Variants in CD46 observed in about 807,000 individuals in gnomAD.
The protein encoded by CD46 is CD46 molecule, also known as membrane cofactor protein.
CD46 carries 30 observed loss-of-function variants against 53.3 expected under a neutral mutation model. The ratio of observed to expected loss-of-function variants is 0.56; its 90% CI spans 0.42 to 0.76. CD46 has a LOEUF of 0.76. CD46 is among the 30% of genes least tolerant of loss of function. The pLI is 0.00. For synonymous variants in CD46, 142 were observed against 152.0 expected, an observed-to-expected ratio of 0.93 and a Z score of 0.48; for missense variants, 409 against 463.0, an observed-to-expected ratio of 0.88 and a Z score of 1.07.
At chr1:207,783,614 G>T (rs867957416) in intron 9 of CD46, 1 of 256,434 alleles carries the variant, frequency 3.9e-6, no homozygotes, top group Non-Finnish European at 7.5e-6. Flanking sequence ...GTAACACGCT[G>T]ATTTAACACA....
At chr1:207,764,227 C>T (rs1045951427) in intron 5 of CD46, among the ~76,000 whole-genome samples, 1 of 152,116 alleles carries the variant, frequency 6.6e-6, no homozygotes, top group East Asian at 1.9e-4. Flanking sequence ...GGGGTGTGCA[C>T]GGAGCTGCGG....
intron 8 of CD46, among the ~76,000 whole-genome samples, chr1:207,772,113 A>G (rs1657573817): frequency 6.6e-6 from 1 of 152,126 alleles, no homozygotes; most frequent in Non-Finnish European, 1.5e-5. Flanking sequence ...TGTCCTTCAC[A>G]TCCATCCCTT....
chr1:207,787,050 A>G (rs1475077697), intron 11 of CD46, among the ~76,000 whole-genome samples: 3 of 152,120 alleles, frequency 2.0e-5, no homozygotes, highest in African/African-American at 4.8e-5. Context: ...CTCTCTAGCT[A>G]GCAGTTAATG....
intron 8 of CD46, among the ~76,000 whole-genome samples, chr1:207,779,804 C>T (rs768094425): frequency 2.0e-5 from 3 of 151,568 alleles, no homozygotes; most frequent in African/African-American, 4.8e-5. Context: ...GTCTTCTCCC[C>T]AACTGATTTG....
intron 4 of CD46, chr1:207,759,938 G>A (rs1296915845): frequency 6.6e-6 from 3 of 452,890 alleles, no homozygotes; most frequent in South Asian, 2.5e-5. Context: ...CCTAAGACAC[G>A]GTCTCAGGCT....
rs1301393824 is a variant in CD46 at position 207,794,317 on chromosome 1, C to T, written c.*840C>T. On this transcript the variant is annotated 3_prime_UTR_variant, in exon 13 of 13. Transcript: ENST00000367042. ...TCCTTTCATAAGAAGTGAGAGGACTCTGACAGCCATAACAGGAGTGCCACT... is the reference window on the plus strand; with the variant it reads ...TCCTTTCATAAGAAGTGAGAGGACTTTGACAGCCATAACAGGAGTGCCACT... 6.6e-6 allele frequency: 1 copy of T among 152,328 alleles called. No individual in the cohort carries two copies. Among genetic ancestry groups the T allele is most frequent in the Non-Finnish European group, 1.5e-5 (1 of 68,134 alleles). The allele number at this position is 152,328 out of a possible 1,614,324, so 9.4% of individuals were successfully genotyped here.
chr1:207,771,870 G>A (rs1444099255), intron 8 of CD46, among the ~76,000 whole-genome samples: 2 of 152,088 alleles, frequency 1.3e-5, no homozygotes, highest in African/African-American at 4.8e-5. Flanking sequence ...GGGTTGTCTT[G>A]GCTATATGGA....
intron 4 of CD46, 77 bp from the exon 5 acceptor site, chr1:207,761,172 T>G: frequency 1.1e-6 from 1 of 921,576 alleles, no homozygotes; most frequent in African/African-American, 1.7e-5. Flanking sequence ...ATTGACAAAT[T>G]TATTGAAGAC....
chr1:207,767,125 C>T lies in CD46; in HGVS notation c.786C>T (p.Leu262=), dbSNP rs374762173. ...TTGAATGCGATAAGGGTTTTTACCTCGATGGCAGCGACACAATTGTCTGTG... is the reference window on the plus strand; with the variant it reads ...TTGAATGCGATAAGGGTTTTTACCTTGATGGCAGCGACACAATTGTCTGTG... The part of the protein sequence containing the change: ...VMFECDKGFY[L]DGSDTIVCDS... The change falls in exon 6 of 13, where the codon CTC becomes CTT. Residue 262 remains leucine, a synonymous_variant. Transcript: ENST00000367042. 2.2e-5 allele frequency: 36 copies of T among 1,613,702 alleles called. No homozygotes were observed. The Admixed American group carries it at 2.8e-4, about 13-fold the overall frequency.
At chr1:207,793,403 T>G in intron 12 of CD46, 116 bp from the exon 13 acceptor site, 1 of 744,890 alleles carries the variant, frequency 1.3e-6, no homozygotes, top group Non-Finnish European at 2.4e-6. Flanking sequence ...TTTCCCAGGT[T>G]GGTGGCTCAT....
chr1:207,793,837 G>C lies in CD46; in HGVS notation c.*360G>C. ...TGGACCAGTCAGCACAGCATGCCTG[G>C]TTGTATTAAAGCAGGGATATGCTGT... On this transcript the variant is annotated 3_prime_UTR_variant, in exon 13 of 13. Coordinates refer to ENST00000367042, the MANE Select transcript of CD46 (RefSeq NM_172351.3). 5.9e-6 allele frequency: 3 copies of C among 505,166 alleles called. No homozygotes were observed. Among genetic ancestry groups the C allele is most frequent in the Non-Finnish European group, 7.2e-6 (2 of 279,364 alleles). 31.3% of individuals were successfully genotyped at this position (505,166 alleles called of 1,614,324 possible). A position where few individuals can be genotyped will look rare whatever the true frequency, so the allele number is the denominator to read the frequency against.
Position 207,761,443 on chromosome 1 carries a change from A to G in CD46, c.670A>G (p.Lys224Glu). The G allele has an allele frequency of 6.2e-7, 1 of 1,612,256 alleles. No individual in the cohort carries two copies. The highest frequency in any genetic ancestry group is 8.5e-7 in the Non-Finnish European group (1 of 1,178,298). Residue 224 changes from lysine (K) to glutamate (E), a missense_variant, in exon 5 of 13, where the codon AAA becomes GAA. Coordinates refer to ENST00000367042, the MANE Select transcript of CD46 (RefSeq NM_172351.3). Reference protein sequence around the residue: ...SVWSRAAPECKVVKCRFPVVE... With the variant: ...SVWSRAAPECEVVKCRFPVVE... ...GTGGAGTCGTGCTGCTCCAGAGTGT[A>G]AAGGTAGTGTTTCAATTTATTTCCT... is the stretch of plus-strand genomic sequence containing the variant.
intron 11 of CD46, among the ~76,000 whole-genome samples, chr1:207,788,149 T>C (rs985997936): frequency 6.6e-6 from 1 of 152,102 alleles, no homozygotes; most frequent in Non-Finnish European, 1.5e-5. Context: ...TCCTCATCCA[T>C]GTGTATCCTT....
At chr1:207,783,204 C>T in intron 8 of CD46, 88 bp from the exon 9 acceptor site, 2 of 673,354 alleles carry the variant, frequency 3.0e-6, no homozygotes, top group Admixed American at 2.4e-5. Flanking sequence ...GAAAAAAAAT[C>T]ACCCTATGAG....
At chr1:207,757,351 A>G in intron 2 of CD46, 149 bp downstream of exon 2, 1 of 896,506 alleles carries the variant, frequency 1.1e-6, no homozygotes, top group South Asian at 1.4e-5. Flanking sequence ...TGAGAAATCA[A>G]AATCTCCAAG....
intron 8 of CD46, among the ~76,000 whole-genome samples, chr1:207,774,202 C>T (rs1347025252): frequency 1.4e-5 from 2 of 141,542 alleles, no homozygotes; most frequent in African/African-American, 2.4e-5. Flanking sequence ...ACTAGAATTG[C>T]AACCCCTTTT....
intron 8 of CD46, among the ~76,000 whole-genome samples, chr1:207,774,682 A>C (rs981843879): frequency 1.3e-5 from 2 of 152,068 alleles, no homozygotes; most frequent in African/African-American, 4.8e-5. Context: ...GTTGAAAATT[A>C]TTTTCTTTAA....
intron 8 of CD46, among the ~76,000 whole-genome samples, chr1:207,782,289 C>A (rs1226488160): frequency 6.6e-6 from 1 of 152,132 alleles, no homozygotes; most frequent in Non-Finnish European, 1.5e-5. Context: ...TAACTGAATT[C>A]ATTTATTAGT....
At chr1:207,762,415 G>C (rs1449045662) in intron 5 of CD46, among the ~76,000 whole-genome samples, 2 of 152,002 alleles carry the variant, frequency 1.3e-5, no homozygotes, top group Non-Finnish European at 2.9e-5. Flanking sequence ...GATAAAAATA[G>C]AGCCAAAATC....
Sources: allele counts gnomAD v4.1 joint callset (sites outside exome capture counted in the v4.1 genomes callset), GRCh38; gene constraint gnomAD v4.1.1; transcripts MANE v1.5; gene names NCBI Gene and HGNC (gene_info 2026-07-23, HGNC 2026-07-21).